Variants in DMD observed in about 807,000 individuals in gnomAD.
The protein encoded by DMD is dystrophin.
A neutral mutation model predicts 330.1 loss-of-function variants in DMD; 63 were observed. The observed-to-expected ratio is 0.19, with a 90% CI of 0.16 to 0.24. The LOEUF (loss-of-function observed/expected upper bound fraction) is 0.24, where lower values mean the gene tolerates loss of function less well. Among genes scored for constraint, DMD ranks in the 10% least tolerant of loss-of-function variants. DMD has a pLI of 1.00. For missense variants in DMD, 3,344 were observed against 2,684.1 expected (o/e 1.25, Z -5.43); for synonymous variants, 1,223 against 959.8 (o/e 1.27, Z -5.07).
chrX:32,832,423 CTTTCATTTCTTTTCA>C (rs1472339101), intron 4 of DMD, among the ~76,000 whole-genome samples: 1 of 110,761 alleles, frequency 9.0e-6, no homozygotes, highest in Non-Finnish European at 1.9e-5. Flanking sequence ...CTATTTGGTT[CTTTCATTTCTTTTCA>C]TTTCATTTCG....
chrX:31,223,188 G>A (rs1343173688), intron 63 of DMD, 67 bp from the exon 64 acceptor site: 10 of 988,330 alleles, frequency 1.0e-5, no homozygotes, highest in African/African-American at 7.6e-5. Flanking sequence ...CACCCCCGAC[G>A]CCCAGTGATT....
At chrX:32,340,062 T>G (rs919655202) in intron 41 of DMD, among the ~76,000 whole-genome samples, 4 of 112,014 alleles carry the variant, frequency 3.6e-5, no homozygotes, top group African/African-American at 1.3e-4. Context: ...AGTTTTAAAA[T>G]GCATTGACAA....
At chrX:33,193,229 C>T (rs1447941326) in intron 1 of DMD, among the ~76,000 whole-genome samples, 2 of 111,642 alleles carry the variant, frequency 1.8e-5, no homozygotes, top group Non-Finnish European at 3.8e-5. Flanking sequence ...ATCGCTTGAA[C>T]TCAGGAGGTG....
chrX:32,579,609 C>G (rs960385105), intron 13 of DMD, among the ~76,000 whole-genome samples: 5 of 112,587 alleles, frequency 4.4e-5, no homozygotes, highest in African/African-American at 1.6e-4. Flanking sequence ...TTTGTTTTAG[C>G]AGAAGTTTGA....
chrX:31,133,106 T>C (rs763322603), intron 77 of DMD, among the ~76,000 whole-genome samples: 3 of 111,678 alleles, frequency 2.7e-5, no homozygotes, highest in Admixed American at 9.5e-5. Flanking sequence ...AACAAAAAGA[T>C]AGGAAAAACA....
At chrX:31,540,818 G>A (rs1401940594) in intron 55 of DMD, among the ~76,000 whole-genome samples, 1 of 112,144 alleles carries the variant, frequency 8.9e-6, no homozygotes, top group South Asian at 3.7e-4. Flanking sequence ...AAGGAAAATA[G>A]GTAGAAAGGC....
At position 31,828,378 on chromosome X, in the gene DMD, C is replaced by T. The variant is rs762976841; in HGVS notation, c.7201-8295G>A. ...ATCAAGAAGAAATAGAAACCCTGAA[C>T]GCTTTGGCTGGGCGCGGTGGCTCAC... On this transcript the variant is annotated intron_variant, in intron 49 of 78. Coordinates refer to ENST00000357033, the MANE Select transcript of DMD (RefSeq NM_004006.3). 1.2e-3 allele frequency among the ~76,000 whole-genome samples: 134 copies of T among 111,366 alleles called. 1 individual carries two copies. Among genetic ancestry groups the T allele is most frequent in the African/African-American group, 3.8e-3 (117 of 30,729 alleles).
intron 17 of DMD, among the ~76,000 whole-genome samples, chrX:32,532,900 C>G (rs952698948): frequency 1.8e-5 from 2 of 111,676 alleles, no homozygotes; most frequent in African/African-American, 3.3e-5. Flanking sequence ...TGCCGGAATC[C>G]CCAAAGTATG....
intron 9 of DMD, among the ~76,000 whole-genome samples, chrX:32,646,328 G>T (rs1184015518): frequency 9.0e-6 from 1 of 111,183 alleles, no homozygotes; most frequent in East Asian, 2.8e-4. Flanking sequence ...CTCCTTGCAG[G>T]TCGCCGGGCT....
intron 19 of DMD, among the ~76,000 whole-genome samples, chrX:32,495,801 T>C (rs921771511): frequency 1.8e-5 from 2 of 112,028 alleles, no homozygotes; most frequent in East Asian, 5.6e-4. Context: ...TAAGTGTAAA[T>C]ATCTGAAAAG....
intron 7 of DMD, among the ~76,000 whole-genome samples, chrX:32,793,093 A>C (rs781075072): frequency 8.9e-6 from 1 of 112,130 alleles, no homozygotes; most frequent in East Asian, 2.8e-4. Flanking sequence ...AATCAAAATC[A>C]TATCTAATAT....
At chrX:31,168,966 T>C (rs1475778194) in intron 74 of DMD, among the ~76,000 whole-genome samples, 1 of 111,758 alleles carries the variant, frequency 8.9e-6, no homozygotes, top group Non-Finnish European at 1.9e-5. Context: ...GCTATGATGG[T>C]GAGCATAAAT....
chrX:32,111,746 T>A (rs116112186), intron 44 of DMD, among the ~76,000 whole-genome samples: 1 of 111,384 alleles, frequency 9.0e-6, no homozygotes, highest in African/African-American at 3.3e-5. Context: ...TCCCTGTGAT[T>A]CCATCAGCTC....
intron 61 of DMD, among the ~76,000 whole-genome samples, chrX:31,326,156 G>C (rs1003786250): frequency 2.7e-5 from 3 of 110,377 alleles, no homozygotes; most frequent in African/African-American, 9.9e-5. Context: ...TCTAAGCAGC[G>C]AGAGACAGAG....
At chrX:32,820,391 G>T (rs762756075) in intron 5 of DMD, among the ~76,000 whole-genome samples, 1,276 of 111,304 alleles carry the variant, frequency 0.011, 16 homozygotes, top group African/African-American at 0.039. Context: ...GCAGTGAGCA[G>T]AGATCGCGCC....
intron 53 of DMD, among the ~76,000 whole-genome samples, chrX:31,664,669 T>TTG (rs2081326758): frequency 9.5e-6 from 1 of 105,715 alleles, no homozygotes; most frequent in African/African-American, 3.5e-5. Flanking sequence ...CATAAGTTTT[T>TTG]TTTTTTTTTT....
At chrX:33,005,633 C>A (rs758563476) in intron 2 of DMD, among the ~76,000 whole-genome samples, 78 of 109,194 alleles carry the variant, frequency 7.1e-4, no homozygotes, top group Non-Finnish European at 1.2e-3. Flanking sequence ...AAAAAATGAA[C>A]AAAAACACCT....
chrX:32,248,539 A>G (rs1242156672), intron 43 of DMD, among the ~76,000 whole-genome samples: 1 of 109,890 alleles, frequency 9.1e-6, no homozygotes, highest in Non-Finnish European at 1.9e-5. Flanking sequence ...ACAAGCAAGC[A>G]CTCAGAAACC....
chrX:32,956,234 T>C (rs1227274533), intron 2 of DMD, among the ~76,000 whole-genome samples: 5 of 111,985 alleles, frequency 4.5e-5, no homozygotes, highest in African/African-American at 9.7e-5. Flanking sequence ...AGGAATAGCA[T>C]TGAATCTAAT....
Sources: gnomAD v4.1 joint callset for allele counts (sites outside exome capture counted in the v4.1 genomes callset) on GRCh38, gnomAD v4.1.1 for gene constraint, MANE v1.5 for transcripts, NCBI Gene and HGNC (gene_info 2026-07-23, HGNC 2026-07-21) for gene names.